CNST: variants seen among roughly 807,000 people sequenced by gnomAD.
CNST encodes consortin, connexin sorting protein.
Under a neutral mutation model 72.4 loss-of-function variants are expected in CNST, and 39 were observed. The observed-to-expected ratio is 0.54, with a 90% CI of 0.42 to 0.70. The LOEUF is 0.70. CNST is among the 30% of genes least tolerant of loss of function. The pLI, the probability that CNST is intolerant of heterozygous loss-of-function variation, is 0.00. For synonymous variants in CNST, 332 were observed against 320.1 expected, an observed-to-expected ratio of 1.04 and a Z score of -0.40; for missense variants, 871 against 868.5, an observed-to-expected ratio of 1.00 and a Z score of -0.04.
chr1:246,643,182 A>G (rs771562532), intron 8 of CNST, among the ~76,000 whole-genome samples: 8 of 152,008 alleles, frequency 5.3e-5, no homozygotes, highest in East Asian at 1.9e-4. Context: ...ATGAGCCACC[A>G]TGCCCGGCCA....
intron 1 of CNST, among the ~76,000 whole-genome samples, chr1:246,574,602 G>T (rs1048006549): frequency 6.6e-6 from 1 of 151,206 alleles, no homozygotes; most frequent in Non-Finnish European, 1.5e-5. Context: ...TTAACTTTTT[G>T]CAGAGATAGG....
At chr1:246,631,780 T>C (rs907911727) in intron 3 of CNST, 114 bp from the exon 4 acceptor site, 6 of 762,520 alleles carry the variant, frequency 7.9e-6, no homozygotes, top group African/African-American at 1.8e-5. Context: ...AAAAAGAGTT[T>C]TCTTAATTTG....
rs1363993526 is a variant in CNST, at chr1:246,666,180, C to T, written c.*275C>T. 2.6e-6 allele frequency: 1 copy of T among 384,642 alleles called. No individual in the cohort carries two copies. The highest frequency in any genetic ancestry group is 4.7e-6 in the Non-Finnish European group (1 of 210,554). 23.8% of individuals were successfully genotyped at this position (384,642 alleles called of 1,614,324 possible). A position where few individuals can be genotyped will look rare whatever the true frequency, so the allele number is the denominator to read the frequency against. On this transcript the variant is annotated 3_prime_UTR_variant, in exon 11 of 11. Transcript: ENST00000366513. ...CACTGCCTCCTAATGTCATGAGGTA[C>T]ACTGAGCAGAATTAAACAGGGTAGT...
intron 1 of CNST, among the ~76,000 whole-genome samples, chr1:246,575,191 A>G (rs1006586596): frequency 1.3e-5 from 2 of 152,064 alleles, no homozygotes; most frequent in African/African-American, 4.8e-5. Context: ...ACGGGGTTTC[A>G]TCATGTTGGC....
intron 6 of CNST, among the ~76,000 whole-genome samples, chr1:246,635,493 A>G (rs1404816256): frequency 1.3e-5 from 2 of 152,014 alleles, no homozygotes; most frequent in African/African-American, 4.8e-5. Context: ...TACACGGGCT[A>G]CTTTTCTGAT....
At chr1:246,587,494 G>A (rs1661271431) in intron 1 of CNST, among the ~76,000 whole-genome samples, 1 of 152,192 alleles carries the variant, frequency 6.6e-6, no homozygotes, top group Non-Finnish European at 1.5e-5. Context: ...GCTATAGTCT[G>A]AACCAAAGTA....
At chr1:246,579,610 A>G (rs983995819) in intron 1 of CNST, among the ~76,000 whole-genome samples, 3 of 152,062 alleles carry the variant, frequency 2.0e-5, no homozygotes, top group African/African-American at 7.2e-5. Flanking sequence ...CTCTTCTAAA[A>G]ATGCAAAAAT....
chr1:246,653,748 A>G (rs1288813833), intron 9 of CNST, among the ~76,000 whole-genome samples: 1 of 152,008 alleles, frequency 6.6e-6, no homozygotes, highest in East Asian at 1.9e-4. Flanking sequence ...CTTTTAATTT[A>G]TATTTGTACT....
intron 1 of CNST, among the ~76,000 whole-genome samples, chr1:246,577,220 G>A (rs569610576): frequency 1.3e-5 from 2 of 152,130 alleles, no homozygotes; most frequent in African/African-American, 4.8e-5. Context: ...TTCTCATGAA[G>A]TAAATTTCAA....
At chr1:246,638,681 A>G (rs989287065) in intron 6 of CNST, among the ~76,000 whole-genome samples, 4 of 152,168 alleles carry the variant, frequency 2.6e-5, no homozygotes, top group African/African-American at 9.7e-5. Flanking sequence ...ACTATAGCAT[A>G]GCCAGCATGT....
At chr1:246,583,299 G>A (rs1660916810) in intron 1 of CNST, among the ~76,000 whole-genome samples, 1 of 152,042 alleles carries the variant, frequency 6.6e-6, no homozygotes, top group Non-Finnish European at 1.5e-5. Context: ...TTCTGTAATG[G>A]AATTGGATAT....
At chr1:246,663,069 G>T (rs1161144930) in intron 10 of CNST, among the ~76,000 whole-genome samples, 1 of 152,184 alleles carries the variant, frequency 6.6e-6, no homozygotes, top group East Asian at 1.9e-4. Flanking sequence ...AAGGCATGGT[G>T]CAGTGGCTCA....
intron 2 of CNST, among the ~76,000 whole-genome samples, chr1:246,600,258 G>A (rs891584899): frequency 5.3e-5 from 8 of 152,228 alleles, no homozygotes; most frequent in Non-Finnish European, 1.0e-4. Flanking sequence ...ATAGTAGAGA[G>A]TAGAGCAGTA....
intron 2 of CNST, among the ~76,000 whole-genome samples, chr1:246,614,689 C>A (rs1448149748): frequency 6.6e-6 from 1 of 152,144 alleles, no homozygotes; most frequent in Non-Finnish European, 1.5e-5. Context: ...TCACACTGGT[C>A]TTGAACTCTT....
chr1:246,633,074 T>C (rs1327564592), intron 4 of CNST, among the ~76,000 whole-genome samples: 1 of 152,228 alleles, frequency 6.6e-6, no homozygotes, highest in African/African-American at 2.4e-5. Flanking sequence ...AACCTTCTTT[T>C]AGTTTCTGTT....
intron 1 of CNST, among the ~76,000 whole-genome samples, chr1:246,587,187 C>G (rs994519422): frequency 6.6e-6 from 1 of 152,188 alleles, no homozygotes; most frequent in Non-Finnish European, 1.5e-5. Flanking sequence ...CGGTCTGGTA[C>G]TCCCAGGCTG....
chr1:246,662,683 A>C lies in CNST; in HGVS notation c.1972+2349A>C, dbSNP rs1429997018. ...TGGGATTACAGGCGTGAGCCACCGCACCTGGCCAGAATTTTAAGAATGTAT... is the reference window on the plus strand; with the variant it reads ...TGGGATTACAGGCGTGAGCCACCGCCCCTGGCCAGAATTTTAAGAATGTAT... On this transcript the variant is annotated intron_variant, in intron 10 of 10. Transcript: ENST00000366513. 2.6e-5 allele frequency among the ~76,000 whole-genome samples: 4 copies of C among 152,262 alleles called. No homozygotes were observed. In the East Asian group the frequency reaches 5.8e-4, roughly 22 times the overall value.
At chr1:246,642,069 T>C in intron 8 of CNST, 32 bp downstream of exon 8, 1 of 1,238,946 alleles carries the variant, frequency 8.1e-7, no homozygotes, top group Non-Finnish European at 1.2e-6. Flanking sequence ...TGGAGCAACG[T>C]AAAAGATACC....
At chr1:246,653,930 G>A (rs1222085696) in intron 9 of CNST, among the ~76,000 whole-genome samples, 1 of 152,158 alleles carries the variant, frequency 6.6e-6, no homozygotes, top group African/African-American at 2.4e-5. Flanking sequence ...GGTGTAGAGT[G>A]ATAGGAAGAA....
Sources: gnomAD v4.1 joint callset for allele counts (sites outside exome capture counted in the v4.1 genomes callset) on GRCh38, gnomAD v4.1.1 for gene constraint, MANE v1.5 for transcripts, NCBI Gene and HGNC (gene_info 2026-07-23, HGNC 2026-07-21) for gene names.